The following PDPN variants were observed in gnomAD, a reference collection of about 807,000 sequenced individuals.
PDPN encodes podoplanin, also known as PA2.26 antigen.
In PDPN, 12 loss-of-function variants were observed where a neutral mutation model predicts 23.2. The ratio of observed to expected loss-of-function variants is 0.52; its 90% CI spans 0.33 to 0.84. The LOEUF (loss-of-function observed/expected upper bound fraction) is 0.84, where lower values mean the gene tolerates loss of function less well. Among genes scored for constraint, PDPN ranks in the 40% least tolerant of loss-of-function variants. The probability of loss-of-function intolerance (pLI) is 0.02; values close to 1 mark genes in which losing one functional copy is unlikely to be tolerated. For missense variants in PDPN, 199 were observed against 212.2 expected (o/e 0.94, Z 0.39); for synonymous variants, 77 against 76.7 (o/e 1.00, Z -0.02).
intron 1 of PDPN, among the ~76,000 whole-genome samples, chr1:13,596,515 A>G (rs1640500846): frequency 6.6e-6 from 1 of 152,246 alleles, no homozygotes. Context: ...TGGCCACATC[A>G]GTGATTATGT....
rs751470022 is a variant in PDPN at position 13,614,283 on chromosome 1, T to C, written c.371-17T>C. 1 of 1,400,318 alleles carries C rather than the reference T, an allele frequency of 7.1e-7. No individual in the cohort carries two copies. The highest frequency in any genetic ancestry group is 1.2e-5 in the South Asian group (1 of 84,198). The allele number at this position is 1,400,318 out of a possible 1,614,324, so 86.7% of individuals were successfully genotyped here. A position where few individuals can be genotyped will look rare whatever the true frequency, so the allele number is the denominator to read the frequency against. ...TTTTCCTCTGGGGCTCATGCTTTTTTTCTCTCTCTTGTTCAGATGGTTTGT... is the reference window on the plus strand; with the variant it reads ...TTTTCCTCTGGGGCTCATGCTTTTTCTCTCTCTCTTGTTCAGATGGTTTGT... On this transcript the variant is annotated splice_polypyrimidine_tract_variant and intron_variant, in intron 4 of 5. Transcript: ENST00000621990.
chr1:13,609,016 A>G (rs1640866829), intron 2 of PDPN, among the ~76,000 whole-genome samples: 1 of 152,150 alleles, frequency 6.6e-6, no homozygotes, highest in Non-Finnish European at 1.5e-5. Flanking sequence ...CAAACTACCC[A>G]CCAGATTTGG....
chr1:13,588,923 C>G (rs1438691981), intron 1 of PDPN, among the ~76,000 whole-genome samples: 2 of 113,078 alleles, frequency 1.8e-5, no homozygotes, highest in African/African-American at 7.2e-5. Flanking sequence ...CCTTGGCCTC[C>G]CAGAGGGCTG....
chr1:13,585,213 G>A (rs556051561), intron 1 of PDPN, among the ~76,000 whole-genome samples: 2 of 152,148 alleles, frequency 1.3e-5, no homozygotes, highest in African/African-American at 4.8e-5. Flanking sequence ...AGGCCCTGAG[G>A]AATACTTCTT....
In PDPN at chr1:13,616,287, C is replaced by T. The variant is rs571059382; in HGVS notation, c.*376C>T. 2.7e-3 allele frequency: 694 copies of T among 261,570 alleles called. 8 individuals carry two copies. The highest frequency in any genetic ancestry group is 0.011 in the South Asian group (174 of 15,976). 16.2% of individuals were successfully genotyped at this position (261,570 alleles called of 1,614,324 possible). On this transcript the variant is annotated 3_prime_UTR_variant, in exon 6 of 6. Coordinates refer to ENST00000621990, the MANE Select transcript of PDPN (RefSeq NM_006474.5). ...GACCATTCTTGTTATTGTTAAAATG[C>T]AGAGGAATCTGGAAATATTTATATC...
chr1:13,589,722 C>G (rs896426892), intron 1 of PDPN, among the ~76,000 whole-genome samples: 2 of 152,188 alleles, frequency 1.3e-5, no homozygotes, highest in African/African-American at 4.8e-5. Context: ...ATCAGCTATG[C>G]TTGGAATAGC....
intron 1 of PDPN, among the ~76,000 whole-genome samples, chr1:13,588,868 G>T (rs938796709): frequency 6.9e-6 from 1 of 145,440 alleles, no homozygotes; most frequent in African/African-American, 2.5e-5. Context: ...AGTAGAGATG[G>T]AGTTTCACCA....
intron 1 of PDPN, among the ~76,000 whole-genome samples, chr1:13,597,556 A>G (rs1345565219): frequency 6.6e-6 from 1 of 152,238 alleles, no homozygotes; most frequent in Non-Finnish European, 1.5e-5. Context: ...GTCAAGATGG[A>G]AACAGCACAG....
At chr1:13,602,074 C>T (rs998821447) in intron 1 of PDPN, among the ~76,000 whole-genome samples, 3 of 152,034 alleles carry the variant, frequency 2.0e-5, no homozygotes, top group Non-Finnish European at 4.4e-5. Flanking sequence ...CTTTGGGTGG[C>T]TCAGCACTTC....
intron 1 of PDPN, among the ~76,000 whole-genome samples, chr1:13,601,069 C>T (rs1011019619): frequency 6.6e-6 from 1 of 152,204 alleles, no homozygotes. Context: ...TACAATGCTG[C>T]GTCAGTGCCA....
rs538868216 is a variant in PDPN at position 13,602,914 on chromosome 1, C to T, written c.68-4259C>T. On this transcript the variant is annotated intron_variant, in intron 1 of 5. Transcript: ENST00000621990. ...AAATGGCAGGCTGGGCACAGTGGCT[C>T]ATGCCTGTGATCCCAGCACTTTGCA... Among the ~76,000 whole-genome samples the T allele has an allele frequency of 4.1e-4, 63 of 152,200 alleles. No homozygotes were observed. In the South Asian group the frequency reaches 8.1e-3, roughly 20 times the overall value.
chr1:13,595,068 A>T (rs1400706008), intron 1 of PDPN, among the ~76,000 whole-genome samples: 1 of 152,066 alleles, frequency 6.6e-6, no homozygotes, highest in Non-Finnish European at 1.5e-5. Context: ...ACATTCTCCC[A>T]TAAATCCAGC....
chr1:13,584,095 AAGG>A lies in PDPN; in HGVS notation c.66_67+1del. ...AGCGCGTCGCTCTGGGTCCTGGCAG[AAGG>A]AGGTAAGACCCAGCGCAAGTGGCTT... On this transcript the variant is annotated inframe_deletion and splice_region_variant, in exon 1 of 6. Coordinates refer to ENST00000621990, the MANE Select transcript of PDPN (RefSeq NM_006474.5). 3 of 1,612,960 alleles carry A rather than the reference AAGG, an allele frequency of 1.9e-6. No individual in the cohort carries two copies. The highest frequency in any genetic ancestry group is 2.5e-6 in the Non-Finnish European group (3 of 1,179,968).
chr1:13,584,214 T>A lies in PDPN; in HGVS notation c.67+114T>A, dbSNP rs970478565. 63 of 1,518,040 alleles carry A rather than the reference T, an allele frequency of 4.2e-5. No homozygotes were observed. In the Admixed American group the frequency reaches 5.3e-4, roughly 13 times the overall value. 94.0% of individuals were successfully genotyped at this position (1,518,040 alleles called of 1,614,324 possible). On this transcript the variant is annotated intron_variant, in intron 1 of 5. Transcript: ENST00000621990. The stretch of plus-strand genomic sequence containing the variant: ...GTTGTCCAGGGGAGCGCGGGGGAGC[T>A]GAGGGTGTGTGCGTGTCAGGCGGCT...
In PDPN at chr1:13,615,958, C is replaced by A. The variant is rs200087687; in HGVS notation, c.*47C>A. ...GCTGCCAACGTGCTTAAAAAAAGAC[C>A]GTTTCTGACTCTGTGCCCTGTCCCT... On this transcript the variant is annotated 3_prime_UTR_variant, in exon 6 of 6. Coordinates refer to ENST00000621990, the MANE Select transcript of PDPN (RefSeq NM_006474.5). 2 of 1,584,456 alleles carry A rather than the reference C, an allele frequency of 1.3e-6. No individual in the cohort carries two copies. Among genetic ancestry groups the A allele is most frequent in the East Asian group, 2.2e-5 (1 of 44,714 alleles).
At chr1:13,594,336 G>C (rs556509699) in intron 1 of PDPN, among the ~76,000 whole-genome samples, 21 of 152,214 alleles carry the variant, frequency 1.4e-4, no homozygotes, top group African/African-American at 4.6e-4. Context: ...GATTTTACCT[G>C]GGCAATGAAG....
chr1:13,604,674 C>T (rs922926972), intron 1 of PDPN, among the ~76,000 whole-genome samples: 10 of 151,716 alleles, frequency 6.6e-5, no homozygotes, highest in African/African-American at 2.2e-4. Flanking sequence ...TGTACTAAAC[C>T]GCTCCAGAAA....
intron 1 of PDPN, among the ~76,000 whole-genome samples, chr1:13,601,237 G>C (rs1310288825): frequency 1.3e-5 from 2 of 152,216 alleles, no homozygotes; most frequent in Non-Finnish European, 2.9e-5. Flanking sequence ...AAGAGAGCAC[G>C]GATTTAGAAA....
rs567863175 is a variant in PDPN, at chr1:13,606,992, TC to T, written c.68-180del. ...CGGAGATAACCAGGGTGTTGATGTG[TC>T]AGAAGTGCTGCAAGGAGAATGGTTT... On this transcript the variant is annotated intron_variant, in intron 1 of 5. Coordinates refer to ENST00000621990, the MANE Select transcript of PDPN (RefSeq NM_006474.5). Among the ~76,000 whole-genome samples, 347 of 152,266 alleles carry T rather than the reference TC, an allele frequency of 2.3e-3. 1 individual carries two copies. Among genetic ancestry groups the T allele is most frequent in the African/African-American group, 8.0e-3 (332 of 41,566 alleles).
Sources: gnomAD v4.1 joint callset for allele counts (sites outside exome capture counted in the v4.1 genomes callset) on GRCh38, gnomAD v4.1.1 for gene constraint, MANE v1.5 for transcripts, NCBI Gene and HGNC (gene_info 2026-07-23, HGNC 2026-07-21) for gene names.